Variants in SEMA5B observed in about 807,000 individuals in gnomAD.
SEMA5B encodes the protein semaphorin 5B, also known as semaphorin-5B.
In SEMA5B, 66 loss-of-function variants were observed where a neutral mutation model predicts 135.0. That is an observed-to-expected ratio of 0.49 (90% CI 0.40 to 0.60). The LOEUF (loss-of-function observed/expected upper bound fraction) is 0.60. Ranked by LOEUF, SEMA5B falls within the 20% of genes least tolerant of loss-of-function variation. SEMA5B has a pLI of 0.00. For missense variants in SEMA5B, 1,501 were observed against 1,566.3 expected, an observed-to-expected ratio of 0.96 and a Z score of 0.70; for synonymous variants, 690 against 639.5, an observed-to-expected ratio of 1.08 and a Z score of -1.19.
chr3:122,962,570 G>A (rs1940634152), intron 1 of SEMA5B, among the ~76,000 whole-genome samples: 1 of 152,174 alleles, frequency 6.6e-6, no homozygotes, highest in African/African-American at 2.4e-5. Flanking sequence ...CATCAACACC[G>A]GCACACAAGG....
chr3:122,960,925 A>G (rs1940544412), intron 2 of SEMA5B, among the ~76,000 whole-genome samples: 1 of 152,214 alleles, frequency 6.6e-6, no homozygotes, highest in Non-Finnish European at 1.5e-5. Context: ...AGTGTACCTG[A>G]TACTACTGAA....
chr3:122,952,314 T>G, intron 2 of SEMA5B, among the ~76,000 whole-genome samples: 1 of 152,176 alleles, frequency 6.6e-6, no homozygotes, highest in East Asian at 1.9e-4. Context: ...CAACCCCTTT[T>G]CCTGACATTG....
At chr3:123,026,786 G>T (rs1207817916) in intron 1 of SEMA5B, among the ~76,000 whole-genome samples, 1 of 152,206 alleles carries the variant, frequency 6.6e-6, no homozygotes, top group African/African-American at 2.4e-5. Context: ...ATCGCCGCTC[G>T]CGTCCCTGCT....
At chr3:122,972,125 C>A (rs2107648456) in intron 1 of SEMA5B, among the ~76,000 whole-genome samples, 1 of 152,324 alleles carries the variant, frequency 6.6e-6, no homozygotes, top group Admixed American at 6.5e-5. Flanking sequence ...CTGCCACTAC[C>A]TGACTTACTT....
intron 1 of SEMA5B, among the ~76,000 whole-genome samples, chr3:122,971,152 A>G (rs1941097165): frequency 6.6e-6 from 1 of 152,228 alleles, no homozygotes; most frequent in Non-Finnish European, 1.5e-5. Context: ...GTCACTCCTG[A>G]ACAAACCACC....
chr3:122,994,767 T>C (rs1941986278), intron 1 of SEMA5B, among the ~76,000 whole-genome samples: 1 of 152,196 alleles, frequency 6.6e-6, no homozygotes, highest in African/African-American at 2.4e-5. Flanking sequence ...TGAGACTCGG[T>C]TTCCCTGTGT....
Position 122,913,538 on chromosome 3 carries a change from C to A in SEMA5B, c.2276G>T (p.Gly759Val). Residue 759 changes from glycine to valine, a missense_variant, in exon 16 of 23, where the codon GGC (glycine) becomes GTC (valine). Gly to Val is a moderately radical substitution (Grantham distance 109). Transcript: ENST00000357599. ...CENGNSCLGC[G>V]VEFKTCNPEG... ...GCCCACGGCCCCAACCCTCACCACG[C>A]CGCAGCCCAGGCAGGAGTTGCCGTT... is the stretch of plus-strand genomic sequence containing the variant. 6.2e-7 allele frequency: 1 copy of A among 1,611,292 alleles called. No homozygotes were observed. The highest frequency in any genetic ancestry group is 8.5e-7 in the Non-Finnish European group (1 of 1,179,470).
At position 122,963,905 on chromosome 3, in the gene SEMA5B, C is replaced by T. The variant is rs147728100; in HGVS notation, c.-38-2604G>A. On this transcript the variant is annotated intron_variant, in intron 1 of 22. Transcript: ENST00000357599. ...ATGTGTGGTTCTCAAAGTTTCTATC[C>T]TCAATTCCCTCTTCTCTCACTGTAG... is the stretch of plus-strand genomic sequence containing the variant. 2.7e-3 allele frequency among the ~76,000 whole-genome samples: 411 copies of T among 152,110 alleles called. 2 individuals carry two copies. The highest frequency in any genetic ancestry group is 0.024 in the South Asian group (116 of 4,810).
At position 122,939,354 on chromosome 3, in the gene SEMA5B, C is replaced by T. The variant is rs962103343; in HGVS notation, c.474+71G>A. On this transcript the variant is annotated intron_variant, in intron 5 of 22. Coordinates refer to ENST00000357599, the MANE Select transcript of SEMA5B (RefSeq NM_001031702.4). ...AGGGGCTGAATTCTGAATGGCGCCA[C>T]TTGCGTTGCCCTGCCTTGGGCTCTG... The T allele has an allele frequency of 4.8e-6, 6 of 1,260,798 alleles. No homozygotes were observed. The East Asian group carries it at 1.2e-4, about 24-fold the overall frequency. 78.1% of individuals were successfully genotyped at this position (1,260,798 alleles called of 1,614,324 possible).
chr3:122,925,091 G>A (rs918958065), intron 9 of SEMA5B, among the ~76,000 whole-genome samples: 1 of 152,068 alleles, frequency 6.6e-6, no homozygotes, highest in African/African-American at 2.4e-5. Context: ...CTCTCGTTTC[G>A]GTCCACCCCC....
At chr3:122,917,162 G>C (rs1938113605) in intron 12 of SEMA5B, among the ~76,000 whole-genome samples, 1 of 152,158 alleles carries the variant, frequency 6.6e-6, no homozygotes, top group East Asian at 1.9e-4. Flanking sequence ...CCAATCCTGG[G>C]GGATACCTCG....
chr3:123,021,769 C>G (rs1942685816), intron 1 of SEMA5B, among the ~76,000 whole-genome samples: 1 of 152,198 alleles, frequency 6.6e-6, no homozygotes, highest in African/African-American at 2.4e-5. Context: ...CAGCCGGTAA[C>G]ACACAGATTT....
chr3:122,924,295 C>A (rs1359829847), intron 9 of SEMA5B, among the ~76,000 whole-genome samples: 1 of 152,208 alleles, frequency 6.6e-6, no homozygotes, highest in East Asian at 1.9e-4. Flanking sequence ...ATGAATCTTA[C>A]ATGAACAGCT....
intron 4 of SEMA5B, among the ~76,000 whole-genome samples, chr3:122,942,457 C>G (rs761281542): frequency 2.6e-5 from 4 of 152,204 alleles, no homozygotes; most frequent in Non-Finnish European, 4.4e-5. Context: ...GTCAGAACCT[C>G]TGGGCTGCAG....
intron 1 of SEMA5B, among the ~76,000 whole-genome samples, chr3:122,985,452 T>C (rs1448995542): frequency 6.6e-6 from 1 of 151,618 alleles, no homozygotes; most frequent in Non-Finnish European, 1.5e-5. Flanking sequence ...TGCAGTGAAC[T>C]ATGATTGCAC....
At chr3:122,940,461 A>G (rs1939504785) in intron 4 of SEMA5B, among the ~76,000 whole-genome samples, 1 of 152,208 alleles carries the variant, frequency 6.6e-6, no homozygotes, top group Non-Finnish European at 1.5e-5. Context: ...GAACAGATGC[A>G]AAGTCTTGAT....
At chr3:122,999,947 C>T (rs1287674574) in intron 1 of SEMA5B, among the ~76,000 whole-genome samples, 3 of 152,234 alleles carry the variant, frequency 2.0e-5, no homozygotes, top group African/African-American at 7.2e-5. Context: ...TAGTGGCTCA[C>T]GCCTGTAATC....
At chr3:123,024,903 C>G (rs565500536) in intron 1 of SEMA5B, among the ~76,000 whole-genome samples, 1 of 152,358 alleles carries the variant, frequency 6.6e-6, no homozygotes, top group African/African-American at 2.4e-5. Context: ...CTGGGCCACT[C>G]TAATTGCCTG....
intron 1 of SEMA5B, among the ~76,000 whole-genome samples, chr3:122,987,407 C>A (rs879540932): frequency 1.4e-4 from 22 of 152,180 alleles, no homozygotes; most frequent in Non-Finnish European, 1.2e-4. Context: ...GGATTCTTAT[C>A]CTGCTATCAG....
Sources: gnomAD v4.1 joint callset for allele counts (sites outside exome capture counted in the v4.1 genomes callset) on GRCh38, gnomAD v4.1.1 for gene constraint, MANE v1.5 for transcripts, NCBI Gene and HGNC (gene_info 2026-07-23, HGNC 2026-07-21) for gene names.